MCU: variants seen among roughly 807,000 people sequenced by gnomAD.
MCU encodes calcium uniporter protein, mitochondrial.
In MCU, 12 loss-of-function variants were observed where a neutral mutation model predicts 45.2. That is an observed-to-expected ratio of 0.27 (90% CI 0.17 to 0.43). The LOEUF is 0.43. MCU is among the 20% of genes least tolerant of loss of function. The pLI is 1.00. For synonymous variants in MCU, 160 were observed against 165.1 expected (o/e 0.97, Z 0.24); for missense variants, 324 against 436.7 (o/e 0.74, Z 2.30).
intron 1 of MCU, among the ~76,000 whole-genome samples, chr10:72,756,138 A>G (rs1025917439): frequency 6.6e-6 from 1 of 152,062 alleles, no homozygotes; most frequent in African/African-American, 2.4e-5. Flanking sequence ...GGTGTGAACC[A>G]CCACACCTGG....
chr10:72,706,077 A>G (rs1424800615), intron 1 of MCU, among the ~76,000 whole-genome samples: 1 of 152,188 alleles, frequency 6.6e-6, no homozygotes, highest in African/African-American at 2.4e-5. Context: ...AATTAGAAGA[A>G]TGCTTTTGAG....
At chr10:72,844,386 CAA>C (rs547823336) in intron 2 of MCU, among the ~76,000 whole-genome samples, 1 of 150,890 alleles carries the variant, frequency 6.6e-6, no homozygotes, top group Non-Finnish European at 1.5e-5. Flanking sequence ...GACTCCATCT[CAA>C]AAAAAATGTA....
At chr10:72,818,039 T>A (rs1312680352) in intron 1 of MCU, among the ~76,000 whole-genome samples, 1 of 152,202 alleles carries the variant, frequency 6.6e-6, no homozygotes, top group Non-Finnish European at 1.5e-5. Flanking sequence ...ATAAGCAAAA[T>A]TGACAATGTT....
At chr10:72,753,597 G>A (rs1282847869) in intron 1 of MCU, among the ~76,000 whole-genome samples, 1 of 152,254 alleles carries the variant, frequency 6.6e-6, no homozygotes, top group East Asian at 1.9e-4. Flanking sequence ...ATAATGGGCC[G>A]GGCGTAATGG....
Position 72,885,804 on chromosome 10 carries a change from A to G in MCU, c.1038A>G (p.Gln346=). The G allele has an allele frequency of 6.2e-7, 1 of 1,613,650 alleles. No individual in the cohort carries two copies. The highest frequency in any genetic ancestry group is 8.5e-7 in the Non-Finnish European group (1 of 1,179,668). The change falls in exon 8 of 8, where the codon CAA becomes CAG. Residue 346 remains glutamine, a synonymous_variant. Coordinates refer to ENST00000373053, the MANE Select transcript of MCU (RefSeq NM_138357.3). ...DPLQVHLPLR[Q]IGEKD is the part of the protein sequence containing the mutation. ...TACAAGTACATCTGCCTCTCCGACA[A>G]ATTGGTGAAAAAGATTGATCTGCAA... is the stretch of plus-strand genomic sequence containing the variant.
At chr10:72,744,929 T>C (rs1466364290) in intron 1 of MCU, among the ~76,000 whole-genome samples, 1 of 152,200 alleles carries the variant, frequency 6.6e-6, no homozygotes, top group Non-Finnish European at 1.5e-5. Context: ...TAGTATAAGA[T>C]AGAGGTTTTT....
intron 1 of MCU, among the ~76,000 whole-genome samples, chr10:72,743,753 A>G (rs1186311294): frequency 1.3e-5 from 2 of 152,206 alleles, no homozygotes; most frequent in Admixed American, 1.3e-4. Flanking sequence ...AAGAGTGGCT[A>G]TGAGGAAGTC....
rs116041303 is a variant in MCU at position 72,872,537 on chromosome 10, C to G, written c.861+957C>G. Among the ~76,000 whole-genome samples the G allele has an allele frequency of 2.8e-3, 432 of 152,256 alleles. 2 individuals are homozygous for G. The highest frequency in any genetic ancestry group is 9.8e-3 in the African/African-American group (406 of 41,558). On this transcript the variant is annotated intron_variant, in intron 6 of 7. Coordinates refer to ENST00000373053, the MANE Select transcript of MCU (RefSeq NM_138357.3). Reference sequence around the variant, plus strand: ...TGGTAGTTGTCTTTCTGTCCCTGGCCTATTTCATTAAATATAATGTCCTCC... The same window carrying G: ...TGGTAGTTGTCTTTCTGTCCCTGGCGTATTTCATTAAATATAATGTCCTCC...
At chr10:72,860,259 A>G in intron 3 of MCU, 164 bp from the exon 4 acceptor site, 1 of 592,254 alleles carries the variant, frequency 1.7e-6, no homozygotes, top group Non-Finnish European at 3.0e-6. Flanking sequence ...TCCTAAAAAC[A>G]GAGCTTCAAC....
chr10:72,746,436 T>C (rs944712274), intron 1 of MCU, among the ~76,000 whole-genome samples: 3 of 152,230 alleles, frequency 2.0e-5, no homozygotes, highest in Non-Finnish European at 4.4e-5. Context: ...TCTGTGTCTA[T>C]GTAAATACTA....
At chr10:72,700,730 A>T (rs1469653151) in intron 1 of MCU, among the ~76,000 whole-genome samples, 2 of 152,234 alleles carry the variant, frequency 1.3e-5, no homozygotes, top group African/African-American at 4.8e-5. Context: ...ATGACATCGC[A>T]TTTTGACATC....
At chr10:72,836,951 G>T (rs1844964198) in intron 2 of MCU, among the ~76,000 whole-genome samples, 2 of 152,126 alleles carry the variant, frequency 1.3e-5, no homozygotes, top group Non-Finnish European at 2.9e-5. Context: ...GTGACTGTTG[G>T]TCATCTTCAG....
At chr10:72,881,526 G>A (rs559970960) in intron 6 of MCU, among the ~76,000 whole-genome samples, 9 of 152,214 alleles carry the variant, frequency 5.9e-5, no homozygotes, top group African/African-American at 1.9e-4. Flanking sequence ...TCACAAAAGA[G>A]AATGATAAAT....
chr10:72,759,800 T>G (rs1488875064), intron 1 of MCU, among the ~76,000 whole-genome samples: 1 of 152,086 alleles, frequency 6.6e-6, no homozygotes, highest in African/African-American at 2.4e-5. Flanking sequence ...CTGGTGCCTG[T>G]TTAAGAAGAA....
At chr10:72,842,884 T>C (rs1845067310) in intron 2 of MCU, among the ~76,000 whole-genome samples, 1 of 150,638 alleles carries the variant, frequency 6.6e-6, no homozygotes, top group Admixed American at 6.6e-5. Context: ...TTTTATAAAT[T>C]ATATCTAAAA....
At chr10:72,852,176 A>G (rs753082720) in intron 2 of MCU, among the ~76,000 whole-genome samples, 4 of 152,248 alleles carry the variant, frequency 2.6e-5, no homozygotes, top group African/African-American at 4.8e-5. Context: ...AAAAGATAGA[A>G]ATATTCTCAT....
At chr10:72,881,314 C>A (rs1845697382) in intron 6 of MCU, among the ~76,000 whole-genome samples, 1 of 152,028 alleles carries the variant, frequency 6.6e-6, no homozygotes. Context: ...CTTATAGCTC[C>A]TATAAGAGAA....
intron 1 of MCU, among the ~76,000 whole-genome samples, chr10:72,739,907 C>T (rs943677524): frequency 4.6e-5 from 7 of 151,908 alleles, no homozygotes; most frequent in African/African-American, 1.5e-4. Context: ...AACTCCTGAC[C>T]TCAAGTGATC....
At chr10:72,883,054 G>T (rs1285946192) in intron 6 of MCU, among the ~76,000 whole-genome samples, 4 of 152,192 alleles carry the variant, frequency 2.6e-5, no homozygotes, top group African/African-American at 4.8e-5. Context: ...AAAAAGAAAT[G>T]AAATACTGAT....
Sources: allele counts gnomAD v4.1 joint callset (sites outside exome capture counted in the v4.1 genomes callset), GRCh38; gene constraint gnomAD v4.1.1; transcripts MANE v1.5; gene names NCBI Gene and HGNC (gene_info 2026-07-23, HGNC 2026-07-21).